The following METTL15 variants were observed in gnomAD, a reference collection of about 807,000 sequenced individuals.
The protein encoded by METTL15 is 12S rRNA N(4)-cytidine methyltransferase METTL15.
METTL15 carries 34 observed loss-of-function variants against 38.3 expected under a neutral mutation model. That is an observed-to-expected ratio of 0.89 (90% CI 0.68 to 1.18). The LOEUF (loss-of-function observed/expected upper bound fraction) is 1.18, where lower values mean the gene tolerates loss of function less well. Among genes scored for constraint, METTL15 ranks in the 50% most tolerant of loss-of-function variants. METTL15 has a pLI of 0.00. For missense variants in METTL15, 438 were observed against 498.4 expected (o/e 0.88, Z 1.15); for synonymous variants, 162 against 170.9 (o/e 0.95, Z 0.41).
At chr11:28,262,304 T>A (rs1451496063) in intron 4 of METTL15, among the ~76,000 whole-genome samples, 1 of 151,256 alleles carries the variant, frequency 6.6e-6, no homozygotes, top group Non-Finnish European at 1.5e-5. Flanking sequence ...TATATATACA[T>A]ATATATGACT....
chr11:28,383,423 A>G (rs1368290216), intron 5 of METTL15, among the ~76,000 whole-genome samples: 1 of 152,124 alleles, frequency 6.6e-6, no homozygotes, highest in Admixed American at 6.6e-5. Flanking sequence ...GCTGGAATAA[A>G]CATATATGTG....
At chr11:28,313,607 A>C (rs1857380917) in intron 6 of METTL15, among the ~76,000 whole-genome samples, 2 of 151,986 alleles carry the variant, frequency 1.3e-5, no homozygotes, top group Admixed American at 6.6e-5. Context: ...ATGCTATCGC[A>C]TGTTAATTTT....
At chr11:28,130,000 A>G (rs564212174) in intron 3 of METTL15, among the ~76,000 whole-genome samples, 1 of 152,236 alleles carries the variant, frequency 6.6e-6, no homozygotes, top group East Asian at 1.9e-4. Flanking sequence ...GGAAAAGAGA[A>G]GAGGGCTTTC....
At chr11:28,506,736 CTTTTTTTTTTTTTT>C (rs71449180) in intron 6 of METTL15, among the ~76,000 whole-genome samples, 5 of 111,624 alleles carry the variant, frequency 4.5e-5, no homozygotes, top group East Asian at 5.3e-4. Flanking sequence ...ATCTCAGTCT[CTTTTTTTTTTTTTT>C]TTTTTTTTTT....
chr11:28,222,414 A>G (rs1188960987), intron 4 of METTL15, among the ~76,000 whole-genome samples: 5 of 152,210 alleles, frequency 3.3e-5, no homozygotes, highest in Admixed American at 6.5e-5. Flanking sequence ...GCGCAGTATT[A>G]GGGTGGGAGT....
intron 6 of METTL15, among the ~76,000 whole-genome samples, chr11:28,454,477 A>G (rs999427331): frequency 6.6e-6 from 1 of 152,188 alleles, no homozygotes; most frequent in East Asian, 1.9e-4. Context: ...TTTGTGTATG[A>G]GTCACATAGA....
intron 5 of METTL15, among the ~76,000 whole-genome samples, chr11:28,406,537 T>G (rs1203452359): frequency 6.6e-6 from 1 of 152,198 alleles, no homozygotes; most frequent in African/African-American, 2.4e-5. Flanking sequence ...GTTATGCACA[T>G]GTACCCTAGA....
intron 5 of METTL15, among the ~76,000 whole-genome samples, chr11:28,416,794 G>T (rs968888068): frequency 6.6e-6 from 1 of 152,138 alleles, no homozygotes; most frequent in Non-Finnish European, 1.5e-5. Flanking sequence ...ATCTCTTCCT[G>T]CAAGGCCACC....
At chr11:28,192,951 A>C (rs1851753447) in intron 3 of METTL15, among the ~76,000 whole-genome samples, 1 of 152,066 alleles carries the variant, frequency 6.6e-6, no homozygotes, top group South Asian at 2.1e-4. Context: ...CTTTTTCATA[A>C]TATTGCATTA....
intron 6 of METTL15, chr11:28,327,951 A>G: frequency 1.3e-6 from 1 of 748,386 alleles, no homozygotes; most frequent in Non-Finnish European, 2.1e-6. Context: ...CATCATTTTA[A>G]TTTCTGCAAA....
At chr11:28,186,861 G>T (rs1851514819) in intron 3 of METTL15, among the ~76,000 whole-genome samples, 1 of 150,828 alleles carries the variant, frequency 6.6e-6, no homozygotes, top group South Asian at 2.1e-4. Context: ...GGTAGCTTAG[G>T]GTAGTGGAAC....
intron 5 of METTL15, among the ~76,000 whole-genome samples, chr11:28,376,071 A>C (rs1850307669): frequency 6.6e-6 from 1 of 151,896 alleles, no homozygotes; most frequent in African/African-American, 2.4e-5. Flanking sequence ...TTTGCTGAGG[A>C]GTGCTTTACT....
intron 3 of METTL15, among the ~76,000 whole-genome samples, chr11:28,210,314 GAT>G (rs1364904773): frequency 6.6e-6 from 1 of 151,854 alleles, no homozygotes; most frequent in Non-Finnish European, 1.5e-5. Flanking sequence ...CATGAGAAAT[GAT>G]ATGTTACCTT....
intron 4 of METTL15, among the ~76,000 whole-genome samples, chr11:28,261,937 A>G (rs566496718): frequency 6.6e-6 from 1 of 152,312 alleles, no homozygotes; most frequent in South Asian, 2.1e-4. Flanking sequence ...GTAGATGAAG[A>G]AACTAAGACA....
chr11:28,129,407 C>CTTTTTTTTTTTT (rs71449170), intron 3 of METTL15, among the ~76,000 whole-genome samples: 1 of 143,772 alleles, frequency 7.0e-6, no homozygotes. Context: ...TATAAAATTA[C>CTTTTTTTTTTTT]TTTTTTTTTT....
intron 5 of METTL15, among the ~76,000 whole-genome samples, chr11:28,382,235 C>T (rs1474039753): frequency 6.6e-6 from 1 of 152,122 alleles, no homozygotes; most frequent in Non-Finnish European, 1.5e-5. Flanking sequence ...AGTGTGGTGC[C>T]ACTGAACAGC....
At chr11:28,315,916 C>A (rs1857463949) in intron 6 of METTL15, among the ~76,000 whole-genome samples, 1 of 152,158 alleles carries the variant, frequency 6.6e-6, no homozygotes, top group Non-Finnish European at 1.5e-5. Context: ...GAACCTCTGC[C>A]TAGATTTCAG....
rs1855415231 is a variant in METTL15 at position 28,266,298 on chromosome 11, T to G, written c.408-23908T>G. On this transcript the variant is annotated intron_variant, in intron 4 of 6. Transcript: ENST00000407364. ...GGCGCTATTCACAATAGCAAAGACT[T>G]GGAAACAACCCAAATGTCCATCAAT... is the stretch of plus-strand genomic sequence containing the variant. Among the ~76,000 whole-genome samples, 3 of 152,030 alleles carry G rather than the reference T, an allele frequency of 2.0e-5. No individual in the cohort carries two copies. In the South Asian group the frequency reaches 6.2e-4, roughly 32 times the overall value.
chr11:28,520,314 T>C (rs1403175586), intron 6 of METTL15, among the ~76,000 whole-genome samples: 1 of 152,002 alleles, frequency 6.6e-6, no homozygotes, highest in East Asian at 1.9e-4. Flanking sequence ...CACTCCAGCC[T>C]GAGCAACAGA....
Sources: allele counts gnomAD v4.1 joint callset (sites outside exome capture counted in the v4.1 genomes callset), GRCh38; gene constraint gnomAD v4.1.1; transcripts MANE v1.5; gene names NCBI Gene and HGNC (gene_info 2026-07-23, HGNC 2026-07-21).